Variants in WDR46 observed in about 807,000 individuals in gnomAD.
WDR46 encodes WD repeat-containing protein 46.
A neutral mutation model predicts 74.7 loss-of-function variants in WDR46; 58 were observed. That is an observed-to-expected ratio of 0.78 (90% CI 0.63 to 0.97). The LOEUF (loss-of-function observed/expected upper bound fraction) is 0.97. Ranked by LOEUF, WDR46 falls within the 50% of genes least tolerant of loss-of-function variation. The pLI, the probability that WDR46 is intolerant of heterozygous loss-of-function variation, is 0.00. For missense variants in WDR46, 702 were observed against 790.1 expected, an observed-to-expected ratio of 0.89 and a Z score of 1.34; for synonymous variants, 278 against 297.3, an observed-to-expected ratio of 0.93 and a Z score of 0.67.
intron 2 of WDR46, 23 bp from the exon 3 acceptor site, chr6:33,288,717 T>TA: frequency 6.2e-7 from 1 of 1,612,960 alleles, no homozygotes; most frequent in Non-Finnish European, 8.5e-7. Flanking sequence ...AGGACGCAAT[T>TA]AGCAGACAGC....
chr6:33,283,944 C>T (rs189571444), intron 10 of WDR46, among the ~76,000 whole-genome samples: 85 of 151,410 alleles, frequency 5.6e-4, no homozygotes, highest in African/African-American at 1.7e-3. Context: ...GCCAATCATT[C>T]TCAAAAACCA....
In WDR46 at chr6:33,289,153, C is replaced by T. The variant is rs767472194; in HGVS notation, c.18G>A (p.Lys6=). The change falls in exon 1 of 15, where the codon AAG becomes AAA. Residue 6 remains lysine (K), a synonymous_variant. Transcript: ENST00000374617. METAP[K]PGKDVPPKKD... The stretch of plus-strand genomic sequence containing the variant: ...TCTTGGGCGGGACATCCTTGCCCGG[C>T]TTGGGGGCTGTCTCCATCTCGCCCA... The T allele has an allele frequency of 2.5e-6, 4 of 1,613,148 alleles. No individual in the cohort carries two copies. The highest frequency in any genetic ancestry group is 1.3e-5 in the African/African-American group (1 of 74,990).
chr6:33,287,974 C>A lies in WDR46; in HGVS notation c.614G>T (p.Arg205Leu). The change falls in exon 6 of 15, where the codon CGA becomes CTA. Residue 205 changes from arginine (R) to leucine (L), a missense_variant. Physicochemically the swap from Arg to Leu is moderately radical, Grantham distance 102. Coordinates refer to ENST00000374617, the MANE Select transcript of WDR46 (RefSeq NM_005452.6). ...TAGAATTCAACCTTACCTTCCAGTT[C>A]GAGAGTAGTTTAGTCTGTAGGGTCC... The part of the protein sequence containing the change: ...QFGPYRLNYS[R>L]TGRHLAFGGR... The A allele has an allele frequency of 6.2e-7, 1 of 1,614,120 alleles. No homozygotes were observed. Among genetic ancestry groups the A allele is most frequent in the South Asian group, 1.1e-5 (1 of 91,084 alleles).
At position 33,288,350 on chromosome 6, in the gene WDR46, T is replaced by C. The variant is rs761752203; in HGVS notation, c.473+8A>G. On this transcript the variant is annotated splice_region_variant and intron_variant, in intron 4 of 14. Coordinates refer to ENST00000374617, the MANE Select transcript of WDR46 (RefSeq NM_005452.6). ...AGGGAATGGGGGTCCAGATTAGGGC[T>C]CACTCACCCAGGTTCTTCAGCAAGC... 77 of 1,613,954 alleles carry C rather than the reference T, an allele frequency of 4.8e-5. No individual in the cohort carries two copies. The highest frequency in any genetic ancestry group is 3.3e-4 in the Middle Eastern group (2 of 6,082).
At position 33,279,199 on chromosome 6, in the gene WDR46, C is replaced by G; in HGVS notation, c.*77G>C. 1.3e-6 allele frequency: 2 copies of G among 1,586,066 alleles called. No homozygotes were observed. Among genetic ancestry groups the G allele is most frequent in the East Asian group, 4.5e-5 (2 of 44,500 alleles). Reference sequence around the variant, plus strand: ...GGAAGGGGCCACACTGCCCCCACCTCCTTGTTCCAGGGAACACTCATTTCC... The same window carrying G: ...GGAAGGGGCCACACTGCCCCCACCTGCTTGTTCCAGGGAACACTCATTTCC... On this transcript the variant is annotated 3_prime_UTR_variant, in exon 15 of 15. Coordinates refer to ENST00000374617, the MANE Select transcript of WDR46 (RefSeq NM_005452.6).
intron 10 of WDR46, 89 bp from the exon 11 acceptor site, chr6:33,281,076 G>A: frequency 7.2e-7 from 1 of 1,391,072 alleles, no homozygotes; most frequent in Non-Finnish European, 9.7e-7. Flanking sequence ...GTCTGGCTGG[G>A]GAGAAAAAGA....
intron 10 of WDR46, chr6:33,284,516 C>G (rs1048085868): frequency 6.5e-6 from 1 of 153,796 alleles, no homozygotes. Flanking sequence ...ATCAGCCAGA[C>G]CTGGAGAGAA....
In WDR46 at chr6:33,279,211, G is replaced by C; in HGVS notation, c.*65C>G. ...ACTGCCCCCACCTCCTTGTTCCAGGGAACACTCATTTCCCTACAGGTGATC... is the reference window on the plus strand; with the variant it reads ...ACTGCCCCCACCTCCTTGTTCCAGGCAACACTCATTTCCCTACAGGTGATC... On this transcript the variant is annotated 3_prime_UTR_variant, in exon 15 of 15. Transcript: ENST00000374617. The C allele has an allele frequency of 1.9e-6, 3 of 1,597,280 alleles. No individual in the cohort carries two copies. The Admixed American group carries it at 5.1e-5, about 27-fold the overall frequency.
chr6:33,286,680 C>G (rs1766664919), intron 10 of WDR46, 115 bp downstream of exon 10: 2 of 968,930 alleles, frequency 2.1e-6, no homozygotes, highest in African/African-American at 3.3e-5. Context: ...CGTGGTAACA[C>G]TGCGATTTAA....
Position 33,280,777 on chromosome 6 carries a change from G to A in WDR46, c.1326C>T (p.Leu442=). 4 of 1,614,112 alleles carry A rather than the reference G, an allele frequency of 2.5e-6. No homozygotes were observed. The highest frequency in any genetic ancestry group is 2.5e-6 in the Non-Finnish European group (3 of 1,179,984). The change falls in exon 11 of 15, where the codon CTC becomes CTT. Residue 442 remains leucine (L), a synonymous_variant. Coordinates refer to ENST00000374617, the MANE Select transcript of WDR46 (RefSeq NM_005452.6). The stretch of plus-strand genomic sequence containing the variant: ...GCACAGGGCCTGAGAGCCGGTGGGT[G>A]AGGTAGGGCTGTTCAAGGGAGGGTG... ...ASPPSLEQPY[L]THRLSGPVHG... is the part of the protein sequence containing the mutation.
At chr6:33,285,608 C>A (rs982197091) in intron 10 of WDR46, among the ~76,000 whole-genome samples, 18 of 152,022 alleles carry the variant, frequency 1.2e-4, no homozygotes, top group African/African-American at 3.9e-4. Context: ...ACTGCAACCC[C>A]TGCCTCCCAG....
rs761440594 is a variant in WDR46 at position 33,279,244 on chromosome 6, G to A, written c.*32C>T. ...ATTTCCCTACAGGTGATCTTGGGGAGAGACTGTTCCCAGGCAACCCTGGAG... is the reference window on the plus strand; with the variant it reads ...ATTTCCCTACAGGTGATCTTGGGGAAAGACTGTTCCCAGGCAACCCTGGAG... On this transcript the variant is annotated 3_prime_UTR_variant, in exon 15 of 15. Transcript: ENST00000374617. 3 of 1,613,158 alleles carry A rather than the reference G, an allele frequency of 1.9e-6. No homozygotes were observed. The highest frequency in any genetic ancestry group is 2.5e-6 in the Non-Finnish European group (3 of 1,179,426).
chr6:33,287,028 A>G, intron 9 of WDR46, 63 bp downstream of exon 9: 1 of 1,592,376 alleles, frequency 6.3e-7, no homozygotes, highest in Admixed American at 1.8e-5. Flanking sequence ...GGACTCATGA[A>G]GTACAAATAT....
intron 10 of WDR46, among the ~76,000 whole-genome samples, chr6:33,285,519 T>TTTTGTTTG (rs1040194609): frequency 1.3e-5 from 2 of 151,946 alleles, no homozygotes; most frequent in Non-Finnish European, 2.9e-5. Context: ...TCATATTATG[T>TTTTGTTTG]TTTGTTTGTT....
intron 10 of WDR46, chr6:33,284,263 A>C (rs1324172553): frequency 6.5e-6 from 1 of 153,594 alleles, no homozygotes; most frequent in Non-Finnish European, 1.5e-5. Context: ...AAAAAAAAAA[A>C]AATAGCCACA....
At chr6:33,283,766 G>C (rs934898663) in intron 10 of WDR46, among the ~76,000 whole-genome samples, 1 of 152,016 alleles carries the variant, frequency 6.6e-6, no homozygotes, top group African/African-American at 2.4e-5. Context: ...GCATGCAGTG[G>C]CATGCACTTG....
intron 10 of WDR46, among the ~76,000 whole-genome samples, chr6:33,286,074 G>C (rs1192299037): frequency 6.6e-6 from 1 of 151,760 alleles, no homozygotes; most frequent in Non-Finnish European, 1.5e-5. Flanking sequence ...CTGGGAGGCG[G>C]AGGTTGCAGT....
Position 33,279,235 on chromosome 6 carries a change from T to C in WDR46, c.*41A>G. 6.2e-7 allele frequency: 1 copy of C among 1,612,134 alleles called. No homozygotes were observed. Among genetic ancestry groups the C allele is most frequent in the Admixed American group, 1.7e-5 (1 of 59,930 alleles). ...GGAACACTCATTTCCCTACAGGTGA[T>C]CTTGGGGAGAGACTGTTCCCAGGCA... is the stretch of plus-strand genomic sequence containing the variant. On this transcript the variant is annotated 3_prime_UTR_variant, in exon 15 of 15. Transcript: ENST00000374617.
At chr6:33,285,014 G>C (rs1235729384) in intron 10 of WDR46, among the ~76,000 whole-genome samples, 4 of 152,220 alleles carry the variant, frequency 2.6e-5, no homozygotes, top group South Asian at 2.1e-4. Flanking sequence ...CATTACCTGT[G>C]TGAAAAGATG....
Sources: gnomAD v4.1 joint callset for allele counts (sites outside exome capture counted in the v4.1 genomes callset) on GRCh38, gnomAD v4.1.1 for gene constraint, MANE v1.5 for transcripts, NCBI Gene and HGNC (gene_info 2026-07-23, HGNC 2026-07-21) for gene names.